DSTYK: variants seen among roughly 807,000 people sequenced by gnomAD.
DSTYK encodes RIP-homologous kinase.
Under a neutral mutation model 98.7 loss-of-function variants are expected in DSTYK, and 34 were observed. The ratio of observed to expected loss-of-function variants is 0.34; its 90% confidence interval spans 0.26 to 0.46. DSTYK has a LOEUF of 0.46. DSTYK is among the 20% of genes least tolerant of loss of function. DSTYK has a pLI of 1.00. For missense variants in DSTYK, 962 were observed against 1,181.7 expected, an observed-to-expected ratio of 0.81 and a Z score of 2.73; for synonymous variants, 462 against 457.3, an observed-to-expected ratio of 1.01 and a Z score of -0.13.
rs1425628197 is a variant in DSTYK, at chr1:205,144,693, C to T, written c.*2865G>A. ...TAGAGACTTTCAAGAATATTTTGCACCTTTTCTCAAAATACTTTTTTTTAA... is the reference window on the plus strand; with the variant it reads ...TAGAGACTTTCAAGAATATTTTGCATCTTTTCTCAAAATACTTTTTTTTAA... On this transcript the variant is annotated 3_prime_UTR_variant, in exon 13 of 13. Coordinates refer to ENST00000367162, the MANE Select transcript of DSTYK (RefSeq NM_015375.3). 2 of 152,174 alleles carry T rather than the reference C, an allele frequency of 1.3e-5. No individual in the cohort carries two copies. Among genetic ancestry groups the T allele is most frequent in the South Asian group, 4.1e-4 (2 of 4,832 alleles). The allele number at this position is 152,174 out of a possible 1,614,324, so 9.4% of individuals were successfully genotyped here.
chr1:205,205,593 G>A (rs1191345531), intron 1 of DSTYK, among the ~76,000 whole-genome samples: 1 of 151,794 alleles, frequency 6.6e-6, no homozygotes, highest in Non-Finnish European at 1.5e-5. Context: ...TTATAGGCCC[G>A]CACCGCCATG....
At chr1:205,209,172 GA>G (rs1659291199) in intron 1 of DSTYK, among the ~76,000 whole-genome samples, 1 of 152,154 alleles carries the variant, frequency 6.6e-6, no homozygotes, top group African/African-American at 2.4e-5. Context: ...AAAGTGCCTT[GA>G]AAACCTCCAT....
chr1:205,201,833 G>A (rs2102476826), intron 1 of DSTYK, among the ~76,000 whole-genome samples: 1 of 152,304 alleles, frequency 6.6e-6, no homozygotes, highest in Admixed American at 6.5e-5. Flanking sequence ...GCCAAGACGG[G>A]AGGATCACCT....
At position 205,211,243 on chromosome 1, in the gene DSTYK, C is replaced by T. The variant is rs1421350815; in HGVS notation, c.265+28G>A. 3.2e-6 allele frequency: 5 copies of T among 1,575,912 alleles called. No homozygotes were observed. The African/African-American group carries it at 5.5e-5, about 17-fold the overall frequency. On this transcript the variant is annotated intron_variant, in intron 1 of 12. Transcript: ENST00000367162. ...CGTCCTCCGATTTGCCTCTCCTGCC[C>T]TCTCTCCCTCCGGGCTGCCCTCCTT...
At chr1:205,152,364 A>G (rs1657429630) in intron 10 of DSTYK, among the ~76,000 whole-genome samples, 1 of 152,142 alleles carries the variant, frequency 6.6e-6, no homozygotes. Flanking sequence ...TTTAGTATAG[A>G]CAGGGTTTCT....
chr1:205,180,144 T>C (rs1048012013), intron 2 of DSTYK, among the ~76,000 whole-genome samples: 7 of 152,220 alleles, frequency 4.6e-5, no homozygotes, highest in Admixed American at 6.5e-5. Flanking sequence ...AGTTCTGGGA[T>C]ACATGTGGGG....
intron 2 of DSTYK, among the ~76,000 whole-genome samples, chr1:205,186,515 A>G (rs2102449269): frequency 6.6e-6 from 1 of 152,324 alleles, no homozygotes; most frequent in Middle Eastern, 3.4e-3. Context: ...GTTATAAGAA[A>G]GAAGGAAAGA....
At position 205,211,595 on chromosome 1, in the gene DSTYK, T is replaced by C. The variant is rs1001003202; in HGVS notation, c.-60A>G. ...CCGGCCGCAGGCCCGGCCTCCCTCC[T>C]CCCCGCCCCCCAGTGCCGAAGGGAG... On this transcript the variant is annotated 5_prime_UTR_variant, in exon 1 of 13. Coordinates refer to ENST00000367162, the MANE Select transcript of DSTYK (RefSeq NM_015375.3). 2.9e-6 allele frequency: 4 copies of C among 1,397,634 alleles called. No homozygotes were observed. The highest frequency in any genetic ancestry group is 2.8e-6 in the Non-Finnish European group (3 of 1,083,262). The allele number at this position is 1,397,634 out of a possible 1,614,324, so 86.6% of individuals were successfully genotyped here. A position where few individuals can be genotyped will look rare whatever the true frequency, so the allele number is the denominator to read the frequency against.
chr1:205,195,647 C>T (rs757993273), intron 1 of DSTYK, among the ~76,000 whole-genome samples: 3 of 152,186 alleles, frequency 2.0e-5, no homozygotes, highest in Admixed American at 6.5e-5. Flanking sequence ...GCAAAGCTCT[C>T]GCTGGAATCG....
intron 3 of DSTYK, among the ~76,000 whole-genome samples, chr1:205,166,464 G>A (rs1468842398): frequency 3.5e-5 from 5 of 143,248 alleles, no homozygotes; most frequent in African/African-American, 1.0e-4. Context: ...GCAAGACCTC[G>A]TCTTTACAAA....
intron 1 of DSTYK, among the ~76,000 whole-genome samples, chr1:205,188,738 A>G (rs1051503485): frequency 2.6e-5 from 4 of 152,232 alleles, no homozygotes; most frequent in Non-Finnish European, 5.9e-5. Context: ...TCAAGTTTGC[A>G]TAAGCTCTAG....
At position 205,187,195 on chromosome 1, in the gene DSTYK, G is replaced by C. The variant is rs539297163; in HGVS notation, c.654+223C>G. Among the ~76,000 whole-genome samples the C allele has an allele frequency of 9.8e-5, 15 of 152,304 alleles. No individual in the cohort carries two copies. In the East Asian group the frequency reaches 2.9e-3, roughly 29 times the overall value. On this transcript the variant is annotated intron_variant, in intron 2 of 12. Coordinates refer to ENST00000367162, the MANE Select transcript of DSTYK (RefSeq NM_015375.3). ...CAGAGATAAGGAAGTGAGGAGACAA[G>C]CAAACTACTCAGGGCCTTGCAGCAT...
chr1:205,152,505 C>G (rs950621384), intron 10 of DSTYK, among the ~76,000 whole-genome samples: 3 of 152,212 alleles, frequency 2.0e-5, no homozygotes, highest in Non-Finnish European at 4.4e-5. Flanking sequence ...CGGACTACAT[C>G]GTATATGTGG....
chr1:205,177,567 T>C (rs1364418189), intron 2 of DSTYK, among the ~76,000 whole-genome samples: 1 of 152,176 alleles, frequency 6.6e-6, no homozygotes, highest in Non-Finnish European at 1.5e-5. Flanking sequence ...TGTTATTGTA[T>C]AGAAAATACC....
chr1:205,170,880 G>C (rs532378942), intron 2 of DSTYK, among the ~76,000 whole-genome samples: 1 of 151,952 alleles, frequency 6.6e-6, no homozygotes, highest in African/African-American at 2.4e-5. Flanking sequence ...GAACAGCAGC[G>C]ATCACTCAGC....
chr1:205,203,085 A>G (rs1017212943), intron 1 of DSTYK, among the ~76,000 whole-genome samples: 3 of 152,210 alleles, frequency 2.0e-5, no homozygotes, highest in Non-Finnish European at 4.4e-5. Context: ...TGTAAAAACT[A>G]CTTGCAAGGC....
chr1:205,167,517 G>C (rs1205706282), intron 3 of DSTYK, among the ~76,000 whole-genome samples: 1 of 152,206 alleles, frequency 6.6e-6, no homozygotes, highest in East Asian at 1.9e-4. Flanking sequence ...AGACATTCCA[G>C]GTTTAAGGCA....
At chr1:205,210,314 G>C (rs1334376723) in intron 1 of DSTYK, among the ~76,000 whole-genome samples, 1 of 152,010 alleles carries the variant, frequency 6.6e-6, no homozygotes, top group Non-Finnish European at 1.5e-5. Flanking sequence ...TACGCCCCTG[G>C]GGTGAGTTTA....
Position 205,202,408 on chromosome 1 carries a change from C to T in DSTYK, c.265+8863G>A, listed in dbSNP as rs146068766. On this transcript the variant is annotated intron_variant, in intron 1 of 12. Coordinates refer to ENST00000367162, the MANE Select transcript of DSTYK (RefSeq NM_015375.3). ...GGTTGCGTTGGTTGGTGTGCCCAGG[C>T]CAAGCAGTGGGGCTGGACAAGGTCA... 222 of 743,144 alleles carry T rather than the reference C, an allele frequency of 3.0e-4. 2 individuals carry two copies. In the African/African-American group the frequency reaches 3.3e-3, roughly 11 times the overall value. 46.0% of individuals were successfully genotyped at this position (743,144 alleles called of 1,614,324 possible).
Sources: allele counts gnomAD v4.1 joint callset (sites outside exome capture counted in the v4.1 genomes callset), GRCh38; gene constraint gnomAD v4.1.1; transcripts MANE v1.5; gene names NCBI Gene and HGNC (gene_info 2026-07-23, HGNC 2026-07-21).